The following UNC80 variants were observed in gnomAD, a reference collection of about 807,000 sequenced individuals.
The protein encoded by UNC80 is protein unc-80 homolog.
In UNC80, 164 loss-of-function variants were observed where a neutral mutation model predicts 384.6. That is an observed-to-expected ratio of 0.43 (90% confidence interval 0.38 to 0.49). UNC80 has a LOEUF of 0.49. Ranked by LOEUF, UNC80 falls within the 20% of genes least tolerant of loss-of-function variation. The pLI is 0.00. For synonymous variants in UNC80, 1,486 were observed against 1,527.8 expected (o/e 0.97, Z 0.64); for missense variants, 3,330 against 4,143.0 (o/e 0.80, Z 5.39).
intron 22 of UNC80, among the ~76,000 whole-genome samples, chr2:209,856,060 T>A (rs1367013417): frequency 6.6e-6 from 1 of 152,158 alleles, no homozygotes; most frequent in Admixed American, 6.5e-5. Context: ...TTCAAAGTAG[T>A]TTCAAAAATT....
In UNC80 at chr2:209,967,626, G is replaced by A. The variant is rs1363330122; in HGVS notation, c.7995G>A (p.Met2665Ile). 5.2e-6 allele frequency: 8 copies of A among 1,551,380 alleles called. No individual in the cohort carries two copies. The highest frequency in any genetic ancestry group is 7.0e-6 in the Non-Finnish European group (8 of 1,146,870). The change falls in exon 52 of 65, where the codon ATG (methionine) becomes ATA (isoleucine). Residue 2665 changes from methionine (M) to isoleucine (I), a missense_variant. This residue lies in a region of UNC80 where 1,049 missense variants were observed against 1,488.6 expected (regional missense o/e 0.70). Coordinates refer to ENST00000673920, the MANE Select transcript of UNC80 (RefSeq NM_001371986.1). The stretch of plus-strand genomic sequence containing the variant: ...GAATGTTCAACAAAATTCATAAGAT[G>A]CCTACTTTGAGGTGAGAATGCCTCC... ...LDRMFNKIHK[M>I]PTLRRQVEWE...
rs1429406007 is a variant in UNC80 at position 209,945,818 on chromosome 2, T to G, written c.7190-29T>G. The G allele has an allele frequency of 2.7e-6, 4 of 1,474,110 alleles. No homozygotes were observed. In the Admixed American group the frequency reaches 5.9e-5, roughly 22 times the overall value. 91.3% of individuals were successfully genotyped at this position (1,474,110 alleles called of 1,614,324 possible). On this transcript the variant is annotated intron_variant, in intron 46 of 64. Transcript: ENST00000673920. ...TTATCTCCTGCAAAATCCACTCTGA[T>G]AGTTTGCCTTTACTTTTTGTTCCTT...
chr2:209,913,992 T>C, intron 31 of UNC80, 52 bp downstream of exon 31: 1 of 1,487,936 alleles, frequency 6.7e-7, no homozygotes, highest in Non-Finnish European at 9.0e-7. Flanking sequence ...CTGTTACTGA[T>C]CCAAGTGTTT....
chr2:209,911,083 A>G (rs2088880188), intron 29 of UNC80, among the ~76,000 whole-genome samples: 1 of 152,152 alleles, frequency 6.6e-6, no homozygotes, highest in South Asian at 2.1e-4. Flanking sequence ...GGCCTTGGGA[A>G]ACTTACAATC....
chr2:209,909,783 GA>G (rs2088698127), intron 29 of UNC80, among the ~76,000 whole-genome samples: 2 of 152,050 alleles, frequency 1.3e-5, no homozygotes, highest in African/African-American at 4.8e-5. Context: ...ATATACATAG[GA>G]AAAAATGTCA....
rs956566492 is a variant in UNC80, at chr2:209,998,127, G to T, written c.*2532G>T. ...TCTTATTCAGAGGAAAAACAAAAAAGGTACCCACTTCCCATGTAGAAAAAA... is the reference window on the plus strand; with the variant it reads ...TCTTATTCAGAGGAAAAACAAAAAATGTACCCACTTCCCATGTAGAAAAAA... On this transcript the variant is annotated 3_prime_UTR_variant, in exon 65 of 65. Coordinates refer to ENST00000673920, the MANE Select transcript of UNC80 (RefSeq NM_001371986.1). 14 of 152,062 alleles carry T rather than the reference G, an allele frequency of 9.2e-5. No homozygotes were observed. The highest frequency in any genetic ancestry group is 3.4e-4 in the African/African-American group (14 of 41,408). 9.4% of individuals were successfully genotyped at this position (152,062 alleles called of 1,614,324 possible). A position where few individuals can be genotyped will look rare whatever the true frequency, so the allele number is the denominator to read the frequency against.
chr2:209,887,026 T>TTTA (rs1373518256), intron 25 of UNC80, among the ~76,000 whole-genome samples: 2 of 152,022 alleles, frequency 1.3e-5, no homozygotes, highest in Non-Finnish European at 1.5e-5. Flanking sequence ...CCTTCGTCTT[T>TTTA]TTATTATTAT....
intron 60 of UNC80, among the ~76,000 whole-genome samples, chr2:209,984,208 G>C (rs1276329922): frequency 6.6e-6 from 1 of 152,076 alleles, no homozygotes; most frequent in Non-Finnish European, 1.5e-5. Flanking sequence ...TCTTCTTTTG[G>C]CATTTACAAT....
In UNC80 at chr2:209,777,469, A is replaced by C. The variant is rs201038761; in HGVS notation, c.510A>C (p.Glu170Asp). The C allele has an allele frequency of 1.1e-5, 18 of 1,614,102 alleles. No individual in the cohort carries two copies. In the African/African-American group the frequency reaches 2.4e-4, roughly 22 times the overall value. Reference protein sequence around the residue: ...QPCQSSSNDEEENNRRKIFQN... With the variant: ...QPCQSSSNDEDENNRRKIFQN... ...GCCAAAGCAGCTCTAATGACGAAGA[A>C]GAGAACAACCGAAGAAAGATCTTCC... The change falls in exon 4 of 65, where the codon GAA (glutamate) becomes GAC (aspartate). Residue 170 changes from glutamate (E) to aspartate (D), a missense_variant. By Grantham distance (45) the Glu-to-Asp change is conservative (BLOSUM62 2). Around this residue, in one of 8 missense-constraint regions of UNC80, gnomAD observed 937 missense variants for 1,026.8 expected, o/e 0.91. Coordinates refer to ENST00000673920, the MANE Select transcript of UNC80 (RefSeq NM_001371986.1).
At chr2:209,809,332 G>A (rs763501897) in intron 7 of UNC80, 31 of 805,892 alleles carry the variant, frequency 3.8e-5, no homozygotes, top group African/African-American at 2.0e-4. Flanking sequence ...CTTCGCCTGC[G>A]AAACCTGCGG....
chr2:209,881,209 T>C (rs1205386360), intron 25 of UNC80, 115 bp downstream of exon 25: 2 of 1,231,878 alleles, frequency 1.6e-6, no homozygotes, highest in Non-Finnish European at 2.2e-6. Context: ...ATCACATAAT[T>C]TTAAAAATTC....
intron 63 of UNC80, among the ~76,000 whole-genome samples, 179 bp from the exon 64 acceptor site, chr2:209,993,885 TG>T (rs1030614339): frequency 4.6e-5 from 7 of 152,196 alleles, no homozygotes; most frequent in Non-Finnish European, 8.8e-5. Flanking sequence ...TCTTACTCTT[TG>T]TAAGAAGATA....
At chr2:209,858,176 AT>A (rs2083076307) in intron 22 of UNC80, among the ~76,000 whole-genome samples, 2 of 152,122 alleles carry the variant, frequency 1.3e-5, no homozygotes, top group Non-Finnish European at 2.9e-5. Context: ...TGTTTTATTT[AT>A]TTGGAAGCAA....
chr2:209,820,546 C>T lies in UNC80; in HGVS notation c.2198C>T (p.Ala733Val). ...GSSTCGFGGP[A>V]VSGAGDGGGE... is the part of the protein sequence containing the mutation. ...TCCACCTGTGGATTCGGAGGCCCTG[C>T]TGTTAGTGGAGCTGGAGATGGTGGA... The change falls in exon 13 of 65, where the codon GCT (alanine) becomes GTT (valine). Residue 733 changes from alanine to valine, a missense_variant. Transcript: ENST00000673920. 1 of 1,550,596 alleles carries T rather than the reference C, an allele frequency of 6.4e-7. No homozygotes were observed. The highest frequency in any genetic ancestry group is 1.2e-5 in the South Asian group (1 of 83,974).
At chr2:209,907,793 A>T (rs1280992577) in intron 29 of UNC80, among the ~76,000 whole-genome samples, 2 of 152,244 alleles carry the variant, frequency 1.3e-5, no homozygotes, top group African/African-American at 4.8e-5. Flanking sequence ...TCACTTATGT[A>T]ATAGTAGAGC....
At chr2:209,913,345 A>G (rs868164776) in intron 30 of UNC80, among the ~76,000 whole-genome samples, 1 of 152,330 alleles carries the variant, frequency 6.6e-6, no homozygotes, top group Middle Eastern at 3.4e-3. Flanking sequence ...AATAACCACA[A>G]TGTATTATGT....
intron 12 of UNC80, 25 bp downstream of exon 12, chr2:209,819,286 CA>C: frequency 6.5e-7 from 1 of 1,532,160 alleles, no homozygotes; most frequent in Non-Finnish European, 8.8e-7. Flanking sequence ...TTTTTCTTAC[CA>C]AAGTTAGACA....
At position 209,817,029 on chromosome 2, in the gene UNC80, TC is replaced by T; in HGVS notation, c.1461del (p.Thr488ArgfsTer30). The T allele has an allele frequency of 6.4e-7, 1 of 1,551,546 alleles. No individual in the cohort carries two copies. The highest frequency in any genetic ancestry group is 8.7e-7 in the Non-Finnish European group (1 of 1,146,972). Reference sequence around the variant, plus strand: ...GCTTCACGAGGACCACCTGGATGTGTCCCCCACGCGCAGCACATTCTCCTTT... The same window carrying T: ...GCTTCACGAGGACCACCTGGATGTGTCCCCACGCGCAGCACATTCTCCTTT... ...FLLHEDHLDV[S>X]PTRSTFSFGS... On this transcript the variant is annotated frameshift_variant, in exon 10 of 65. Transcript: ENST00000673920. LOFTEE classifies it high-confidence loss of function.
At position 209,945,055 on chromosome 2, in the gene UNC80, C is replaced by T; in HGVS notation, c.7055C>T (p.Ala2352Val). The stretch of plus-strand genomic sequence containing the variant: ...AAAATTGTTTTTCTTTATCAGGATG[C>T]TGCCAATAATGGGCCCAGCAAAGGT... ...SVAPLLEFPD[A>V]ANNGPSKGVS... The change falls in exon 46 of 65, where the codon GCT becomes GTT. Residue 2352 changes from alanine (A) to valine (V), a missense_variant. Physicochemically the swap from Ala to Val is moderately conservative, Grantham distance 64. Coordinates refer to ENST00000673920, the MANE Select transcript of UNC80 (RefSeq NM_001371986.1). The T allele has an allele frequency of 6.4e-7, 1 of 1,550,994 alleles. No individual in the cohort carries two copies. The highest frequency in any genetic ancestry group is 2.0e-5 in the Admixed American group (1 of 50,816).
Sources: allele counts gnomAD v4.1 joint callset (sites outside exome capture counted in the v4.1 genomes callset), GRCh38; gene constraint gnomAD v4.1.1; regional missense constraint gnomAD v4.1.1; transcripts MANE v1.5; gene names NCBI Gene and HGNC (gene_info 2026-07-23, HGNC 2026-07-21).